The following ESR1 variants were observed in gnomAD, a reference collection of about 807,000 sequenced individuals.
The protein encoded by ESR1 is estrogen receptor 1.
A neutral mutation model predicts 52.7 loss-of-function variants in ESR1; 12 were observed. The ratio of observed to expected loss-of-function variants is 0.23; its 90% CI spans 0.15 to 0.37. ESR1 has a LOEUF of 0.37. Among genes scored for constraint, ESR1 ranks in the 10% least tolerant of loss-of-function variants. ESR1 has a pLI of 1.00. For missense variants in ESR1, 584 were observed against 779.7 expected (o/e 0.75, Z 2.99); for synonymous variants, 305 against 316.8 (o/e 0.96, Z 0.39).
intron 1 of ESR1, among the ~76,000 whole-genome samples, chr6:151,675,584 A>C (rs1293469669): frequency 6.6e-6 from 1 of 152,214 alleles, no homozygotes; most frequent in Non-Finnish European, 1.5e-5. Flanking sequence ...CACATTTTGG[A>C]ATAACTCTAC....
At chr6:151,989,995 T>C (rs887922548) in intron 4 of ESR1, among the ~76,000 whole-genome samples, 3 of 152,132 alleles carry the variant, frequency 2.0e-5, no homozygotes. Flanking sequence ...ACAAAACATG[T>C]AGGCTTCCAA....
At chr6:151,747,530 A>G (rs1304332625) in intron 2 of ESR1, among the ~76,000 whole-genome samples, 1 of 151,864 alleles carries the variant, frequency 6.6e-6, no homozygotes, top group African/African-American at 2.4e-5. Context: ...GCAACCATGT[A>G]TGTGATAATG....
chr6:152,066,610 T>C (rs535510286), intron 6 of ESR1, among the ~76,000 whole-genome samples: 32 of 152,228 alleles, frequency 2.1e-4, no homozygotes, highest in Non-Finnish European at 3.8e-4. Flanking sequence ...TAAATGGCAC[T>C]TCATAGTATT....
intron 6 of ESR1, among the ~76,000 whole-genome samples, chr6:152,084,271 A>C (rs1432237996): frequency 9.0e-6 from 1 of 111,468 alleles, no homozygotes; most frequent in African/African-American, 3.5e-5. Context: ...GGGGCCTGTC[A>C]GGGGTTGGGG....
upstream of ESR1, among the ~76,000 whole-genome samples, chr6:151,801,486 A>G (rs1490572809): frequency 2.0e-5 from 3 of 152,226 alleles, no homozygotes; most frequent in East Asian, 5.8e-4. Context: ...CAAAAAATTC[A>G]AACTGTCTTC....
At chr6:151,842,863 A>G in intron 2 of ESR1, 76 bp downstream of exon 2, 1 of 1,288,214 alleles carries the variant, frequency 7.8e-7, no homozygotes, top group South Asian at 1.2e-5. Flanking sequence ...CTGAGGAAGG[A>G]AGACATAGAA....
chr6:151,688,404 C>T (rs963054586), upstream of ESR1, among the ~76,000 whole-genome samples: 2 of 152,164 alleles, frequency 1.3e-5, no homozygotes, highest in African/African-American at 2.4e-5. Flanking sequence ...TGAACCCTGG[C>T]CGCAGCTGGT....
chr6:151,727,822 C>T (rs1159281814), intron 2 of ESR1, among the ~76,000 whole-genome samples: 1 of 152,156 alleles, frequency 6.6e-6, no homozygotes, highest in Non-Finnish European at 1.5e-5. Context: ...CTTCGCTACT[C>T]ACTCTGTCTC....
At chr6:152,114,367 G>A (rs1299051221) in intron 6 of ESR1, among the ~76,000 whole-genome samples, 11 of 152,140 alleles carry the variant, frequency 7.2e-5, no homozygotes, top group Admixed American at 7.2e-4. Flanking sequence ...TTGTGAACAT[G>A]TAGGTCTCAT....
intron 3 of ESR1, among the ~76,000 whole-genome samples, chr6:151,914,094 T>C (rs1032901951): frequency 8.5e-5 from 13 of 152,130 alleles, no homozygotes; most frequent in Non-Finnish European, 1.8e-4. Flanking sequence ...CATTTCCTTA[T>C]GTCTGTCTCC....
intron 2 of ESR1, among the ~76,000 whole-genome samples, chr6:151,850,401 AGAGAGAGAGGGAG>A (rs1179307921): frequency 4.8e-3 from 706 of 148,424 alleles, no homozygotes; most frequent in African/African-American, 0.015. Context: ...GAGAGAGAGA[AGAGAGAGAGGGAG>A]GAGAGAGAGG....
chr6:151,880,747 T>C lies in ESR1; in HGVS notation c.736T>C (p.Tyr246His), dbSNP rs956399300. 1 of 1,601,154 alleles carries C rather than the reference T, an allele frequency of 6.2e-7. No homozygotes were observed. Residue 246 changes from tyrosine (Y) to histidine (H), a missense_variant, in exon 3 of 8, where the codon TAC becomes CAC. Around this residue, in one of 6 missense-constraint regions of ESR1, gnomAD observed 25 missense variants for 53.0 expected, o/e 0.47. Coordinates refer to ENST00000206249, the MANE Select transcript of ESR1 (RefSeq NM_000125.4). ...SCQACRLRKC[Y>H]EVGMMKGGIR... ...CCAGGCCTGCCGGCTCCGTAAATGC[T>C]ACGAAGTGGGAATGATGAAAGGTGG...
At chr6:151,919,734 G>A (rs956883649) in intron 3 of ESR1, among the ~76,000 whole-genome samples, 8 of 152,176 alleles carry the variant, frequency 5.3e-5, no homozygotes, top group East Asian at 1.9e-4. Flanking sequence ...GTGAAAAGCA[G>A]TATTTGGTTG....
chr6:151,990,821 A>G (rs1474795008), intron 4 of ESR1, among the ~76,000 whole-genome samples: 2 of 152,192 alleles, frequency 1.3e-5, no homozygotes, highest in African/African-American at 4.8e-5. Context: ...AGGTCAGTGA[A>G]AAATTAGGTC....
chr6:151,861,576 C>T (rs9340832), intron 2 of ESR1, among the ~76,000 whole-genome samples: 21 of 152,052 alleles, frequency 1.4e-4, no homozygotes, highest in Non-Finnish European at 1.9e-4. Flanking sequence ...TTTAACCTGC[C>T]GGGCAGCAGA....
chr6:152,016,449 A>G (rs1414795538), intron 5 of ESR1, among the ~76,000 whole-genome samples: 1 of 152,204 alleles, frequency 6.6e-6, no homozygotes, highest in Non-Finnish European at 1.5e-5. Flanking sequence ...ACTAAATATT[A>G]TTAAATTTCA....
chr6:151,945,990 CAAACA>C (rs2035658548), intron 4 of ESR1, among the ~76,000 whole-genome samples: 1 of 152,134 alleles, frequency 6.6e-6, no homozygotes, highest in South Asian at 2.1e-4. Flanking sequence ...GTCGAACTGG[CAAACA>C]AAAATTTCTG....
chr6:151,779,492 G>T (rs1019510588), intron 2 of ESR1, among the ~76,000 whole-genome samples: 1 of 152,166 alleles, frequency 6.6e-6, no homozygotes, highest in African/African-American at 2.4e-5. Context: ...TCTCACACTA[G>T]TCAGAATGGT....
chr6:151,805,097 G>A (rs1429107898), upstream of ESR1: 1 of 152,156 alleles, frequency 6.6e-6, no homozygotes, highest in Admixed American at 6.5e-5. Flanking sequence ...TCATGGAAAG[G>A]TTTGTGGGTT....
Sources: allele counts gnomAD v4.1 joint callset (sites outside exome capture counted in the v4.1 genomes callset), GRCh38; gene constraint gnomAD v4.1.1; regional missense constraint gnomAD v4.1.1; transcripts MANE v1.5; gene names NCBI Gene and HGNC (gene_info 2026-07-23, HGNC 2026-07-21).